BMF: variants seen among roughly 807,000 people sequenced by gnomAD.
BMF encodes the protein Bcl2 modifying factor.
Under a neutral mutation model 22.0 loss-of-function variants are expected in BMF, and 10 were observed. The ratio of observed to expected loss-of-function variants is 0.45; its 90% confidence interval spans 0.28 to 0.77. BMF has a LOEUF of 0.77. Ranked by LOEUF, BMF falls within the 30% of genes least tolerant of loss-of-function variation. BMF has a pLI of 0.13. For missense variants in BMF, 206 were observed against 226.8 expected (o/e 0.91, Z 0.59); for synonymous variants, 87 against 88.1 (o/e 0.99, Z 0.07).
At position 40,103,590 on chromosome 15, in the gene BMF, G is replaced by A. The variant is rs1013522235; in HGVS notation, c.453+590C>T. 5.4e-4 allele frequency among the ~76,000 whole-genome samples: 82 copies of A among 152,208 alleles called. 1 individual carries two copies. Among genetic ancestry groups the A allele is most frequent in the Admixed American group, 6.5e-5 (1 of 15,288 alleles). The stretch of plus-strand genomic sequence containing the variant: ...CTGCCGGCCAAGCGCCCGGCTGAGC[G>A]CCCGGCTGGCCGCCGGTCTGGGGAG... On this transcript the variant is annotated intron_variant, in intron 4 of 4. Coordinates refer to ENST00000354670, the MANE Select transcript of BMF (RefSeq NM_001003940.2).
intron 4 of BMF, 115 bp from the exon 5 acceptor site, chr15:40,092,003 C>G (rs549656195): frequency 2.7e-5 from 21 of 776,254 alleles, no homozygotes; most frequent in Non-Finnish European, 3.5e-5. Flanking sequence ...GCACTTTAAT[C>G]CTATCAGTAC....
intron 2 of BMF, among the ~76,000 whole-genome samples, chr15:40,107,544 G>GTT (rs2036613634): frequency 2.1e-5 from 3 of 145,878 alleles, no homozygotes; most frequent in Non-Finnish European, 4.5e-5. Flanking sequence ...GTGTGTGTGT[G>GTT]TGTGTGTGTG....
intron 4 of BMF, among the ~76,000 whole-genome samples, chr15:40,100,472 G>A (rs1364588763): frequency 6.6e-6 from 1 of 152,216 alleles, no homozygotes; most frequent in Non-Finnish European, 1.5e-5. Flanking sequence ...CTCCTGCCCC[G>A]GCCAAAGGAA....
Position 40,092,439 on chromosome 15 carries a change from G to A in BMF, c.454-551C>T, listed in dbSNP as rs551836618. Among the ~76,000 whole-genome samples the A allele has an allele frequency of 5.2e-4, 77 of 148,092 alleles. 1 individual carries two copies. The highest frequency in any genetic ancestry group is 2.3e-3 in the Admixed American group (34 of 14,726). On this transcript the variant is annotated intron_variant, in intron 4 of 4. Transcript: ENST00000354670. Reference sequence around the variant, plus strand: ...ATCTGATTTCATCCAGTGCAAACACGCACACACACAGACTCACACACACAC... The same window carrying A: ...ATCTGATTTCATCCAGTGCAAACACACACACACACAGACTCACACACACAC...
At position 40,108,366 on chromosome 15, in the gene BMF, G is replaced by A. The variant is rs1008722291; in HGVS notation, c.-113C>T. ...GGGGCTGGACGCCCAGACTCGATTG[G>A]GAAGGAGGGAAAAAGCCCAGCTGTT... On this transcript the variant is annotated 5_prime_UTR_variant, in exon 2 of 5. Coordinates refer to ENST00000354670, the MANE Select transcript of BMF (RefSeq NM_001003940.2). 3 of 152,798 alleles carry A rather than the reference G, an allele frequency of 2.0e-5. No homozygotes were observed. The highest frequency in any genetic ancestry group is 7.2e-5 in the African/African-American group (3 of 41,426). The allele number at this position is 152,798 out of a possible 1,614,324, so 9.5% of individuals were successfully genotyped here. A position where few individuals can be genotyped will look rare whatever the true frequency, so the allele number is the denominator to read the frequency against.
Position 40,106,183 on chromosome 15 carries a change from C to T in BMF, c.-5-92G>A, listed in dbSNP as rs2036583991. 3 of 1,413,260 alleles carry T rather than the reference C, an allele frequency of 2.1e-6. No individual in the cohort carries two copies. Among genetic ancestry groups the T allele is most frequent in the Non-Finnish European group, 1.9e-6 (2 of 1,064,728 alleles). The allele number at this position is 1,413,260 out of a possible 1,614,324, so 87.5% of individuals were successfully genotyped here. A position where few individuals can be genotyped will look rare whatever the true frequency, so the allele number is the denominator to read the frequency against. ...TTCCCTTCTTCCTACCATACTCCCC[C>T]TTCTTATTTGAGCTGGCCGGACCAC... On this transcript the variant is annotated intron_variant, in intron 2 of 4. Transcript: ENST00000354670. This position sits in a 1 kb window ranked among gnomAD's most constrained non-coding sequence, Gnocchi z 4.1.
At chr15:40,100,282 T>A (rs758866008) in intron 4 of BMF, among the ~76,000 whole-genome samples, 2 of 152,200 alleles carry the variant, frequency 1.3e-5, no homozygotes, top group Non-Finnish European at 2.9e-5. Context: ...GGCTCAGACC[T>A]TCTGGCCAGG....
chr15:40,092,737 T>C (rs931505073), intron 4 of BMF, among the ~76,000 whole-genome samples: 1 of 152,070 alleles, frequency 6.6e-6, no homozygotes, highest in African/African-American at 2.4e-5. Context: ...GCTCACCAGA[T>C]TGGGGCTGGT....
chr15:40,107,750 A>G (rs1402316522), intron 2 of BMF, among the ~76,000 whole-genome samples: 1 of 152,108 alleles, frequency 6.6e-6, no homozygotes, highest in Non-Finnish European at 1.5e-5. Flanking sequence ...CTCAAAGCCA[A>G]TCACCAGCAC....
chr15:40,106,220 A>G lies in BMF; in HGVS notation c.-5-129T>C, dbSNP rs1450761039. The G allele has an allele frequency of 1.5e-5, 16 of 1,038,724 alleles. No homozygotes were observed. Among genetic ancestry groups the G allele is most frequent in the Non-Finnish European group, 2.2e-5 (16 of 739,476 alleles). The allele number at this position is 1,038,724 out of a possible 1,614,324, so 64.3% of individuals were successfully genotyped here. A position where few individuals can be genotyped will look rare whatever the true frequency, so the allele number is the denominator to read the frequency against. ...GCTGGCCGGACCACATACTGATGAC[A>G]TACAACCCTGGTAATAAAGCACTGC... On this transcript the variant is annotated intron_variant, in intron 2 of 4. Transcript: ENST00000354670. The surrounding 1 kb of genome is among the most constrained non-coding windows in gnomAD (Gnocchi z 4.1).
rs1415703074 is a variant in BMF, at chr15:40,089,756, A to T, written c.*2031T>A. 6.6e-6 allele frequency: 1 copy of T among 152,230 alleles called. No individual in the cohort carries two copies. Among genetic ancestry groups the T allele is most frequent in the African/African-American group, 2.4e-5 (1 of 41,448 alleles). The allele number at this position is 152,230 out of a possible 1,614,324, so 9.4% of individuals were successfully genotyped here. ...AGCATACGGCAGCAGGCTGCCTGTC[A>T]CCACCTTGATCCAGAGAGGGGAGAA... On this transcript the variant is annotated 3_prime_UTR_variant, in exon 5 of 5. Coordinates refer to ENST00000354670, the MANE Select transcript of BMF (RefSeq NM_001003940.2).
At position 40,092,085 on chromosome 15, in the gene BMF, A is replaced by G. The variant is rs539520160; in HGVS notation, c.454-197T>C. 2.0e-5 allele frequency among the ~76,000 whole-genome samples: 3 copies of G among 152,264 alleles called. No individual in the cohort carries two copies. In the South Asian group the frequency reaches 6.2e-4, roughly 32 times the overall value. On this transcript the variant is annotated intron_variant, in intron 4 of 4. Coordinates refer to ENST00000354670, the MANE Select transcript of BMF (RefSeq NM_001003940.2). ...GGAGGAGAGAGTTGAGTTCTCCAAA[A>G]ACAATTGCAGTTTTAACATTAAAAA...
At chr15:40,099,966 A>G (rs760664692) in intron 4 of BMF, among the ~76,000 whole-genome samples, 4 of 152,144 alleles carry the variant, frequency 2.6e-5, no homozygotes, top group Non-Finnish European at 4.4e-5. Context: ...TCATTTGCCA[A>G]AAAGTCTAAT....
Position 40,105,997 on chromosome 15 carries a change from G to C in BMF, c.90C>G (p.Leu30=). 4 of 1,614,036 alleles carry C rather than the reference G, an allele frequency of 2.5e-6. No individual in the cohort carries two copies. Among genetic ancestry groups the C allele is most frequent in the Non-Finnish European group, 2.5e-6 (3 of 1,180,014 alleles). The part of the protein sequence containing the change: ...GEPVTQPGSL[L]SADLFAQSLL... Reference sequence around the variant, plus strand: ...GGCTCTGGGCAAACAGGTCAGCAGAGAGCAAGCTCCCGGGTTGGGTCACCG... The same window carrying C: ...GGCTCTGGGCAAACAGGTCAGCAGACAGCAAGCTCCCGGGTTGGGTCACCG... The change falls in exon 3 of 5, where the codon CTC becomes CTG. Residue 30 remains leucine (L), a synonymous_variant. Transcript: ENST00000354670.
chr15:40,090,030 GC>G lies in BMF; in HGVS notation c.*1756del, dbSNP rs1432051431. On this transcript the variant is annotated 3_prime_UTR_variant, in exon 5 of 5. Transcript: ENST00000354670. ...CAAAGGCTTACATGCACAGTTTGAG[GC>G]CCTTCTCCTCCAGGGTGCTGTGAGC... 7 of 152,728 alleles carry G rather than the reference GC, an allele frequency of 4.6e-5. No homozygotes were observed. The highest frequency in any genetic ancestry group is 1.7e-4 in the African/African-American group (7 of 41,574). The allele number at this position is 152,728 out of a possible 1,614,324, so 9.5% of individuals were successfully genotyped here. A position where few individuals can be genotyped will look rare whatever the true frequency, so the allele number is the denominator to read the frequency against.
intron 4 of BMF, among the ~76,000 whole-genome samples, chr15:40,093,411 CA>C (rs2036288514): frequency 6.6e-6 from 1 of 152,210 alleles, no homozygotes; most frequent in African/African-American, 2.4e-5. Flanking sequence ...GCCTGGCAGA[CA>C]GAGGGTGGGG....
rs1170403399 is a variant in BMF, at chr15:40,091,411, T to A, written c.*376A>T. 1 of 171,734 alleles carries A rather than the reference T, an allele frequency of 5.8e-6. No individual in the cohort carries two copies. The highest frequency in any genetic ancestry group is 2.4e-5 in the African/African-American group (1 of 42,060). The allele number at this position is 171,734 out of a possible 1,614,324, so 10.6% of individuals were successfully genotyped here. On this transcript the variant is annotated 3_prime_UTR_variant, in exon 5 of 5. Transcript: ENST00000354670. The stretch of plus-strand genomic sequence containing the variant: ...GGGAGTCTAATCCACTCTCGATTTC[T>A]TAACTGAGTTCCTCTGGAAAAACCA...
rs71658279 is a variant in BMF, at chr15:40,106,517, A to AAC, written c.-5-428_-5-427dup. On this transcript the variant is annotated intron_variant, in intron 2 of 4. Coordinates refer to ENST00000354670, the MANE Select transcript of BMF (RefSeq NM_001003940.2). This position sits in a 1 kb window ranked among gnomAD's most constrained non-coding sequence, Gnocchi z 4.1. ...GACTGGCTATACATACAGTGCTCAC[A>AAC]ACACACACACACACACACACACACA... The AAC allele has an allele frequency of 0.2, 27,739 of 135,940 alleles. 3,371 individuals carry two copies. The highest frequency in any genetic ancestry group is 0.28 in the Non-Finnish European group (18,144 of 64,238). 8.4% of individuals were successfully genotyped at this position (135,940 alleles called of 1,614,324 possible). A position where few individuals can be genotyped will look rare whatever the true frequency, so the allele number is the denominator to read the frequency against.
chr15:40,098,834 A>T (rs528844647), intron 4 of BMF, among the ~76,000 whole-genome samples: 1 of 152,164 alleles, frequency 6.6e-6, no homozygotes, highest in Non-Finnish European at 1.5e-5. Context: ...CCGGAACTAC[A>T]AGGCCCTTCT....
Sources: allele counts gnomAD v4.1 joint callset (sites outside exome capture counted in the v4.1 genomes callset), GRCh38; gene constraint gnomAD v4.1.1; non-coding constraint Gnocchi (gnomAD v3.1); transcripts MANE v1.5; gene names NCBI Gene and HGNC (gene_info 2026-07-23, HGNC 2026-07-21).